Variants in OR51B5 observed in about 807,000 individuals in gnomAD.
OR51B5 encodes olfactory receptor family 51 subfamily B member 5, also known as olfactory receptor 51B5.
For synonymous variants in OR51B5, 186 were observed against 144.8 expected (o/e 1.28, Z -2.04); for missense variants, 456 against 374.6 (o/e 1.22, Z -1.79).
chr11:5,357,260 A>C (rs1479280928), intron 1 of OR51B5, among the ~76,000 whole-genome samples: 1 of 152,150 alleles, frequency 6.6e-6, no homozygotes, highest in African/African-American at 2.4e-5. Context: ...ACATAGGCTC[A>C]AAATAAAGGG....
At chr11:5,435,094 C>CA (rs1184408703) in intron 1 of OR51B5, among the ~76,000 whole-genome samples, 2 of 152,152 alleles carry the variant, frequency 1.3e-5, no homozygotes, top group African/African-American at 4.8e-5. Context: ...GCTATATATT[C>CA]AGTGATAAAC....
upstream of OR51B5, among the ~76,000 whole-genome samples, chr11:5,348,161 T>C (rs1474962454): frequency 3.3e-5 from 5 of 152,142 alleles, no homozygotes; most frequent in African/African-American, 1.2e-4. Flanking sequence ...CTCCCTGACA[T>C]CTCTAAAACT....
chr11:5,470,165 T>C (rs1851205488), intron 1 of OR51B5, among the ~76,000 whole-genome samples: 1 of 152,242 alleles, frequency 6.6e-6, no homozygotes, highest in Non-Finnish European at 1.5e-5. Flanking sequence ...ACCAATTAAA[T>C]TTGACACTGT....
At chr11:5,365,623 G>C (rs1242836019) in intron 1 of OR51B5, among the ~76,000 whole-genome samples, 2 of 152,194 alleles carry the variant, frequency 1.3e-5, no homozygotes, top group Non-Finnish European at 2.9e-5. Flanking sequence ...CTCTTGGTGT[G>C]AATCTGACTA....
chr11:5,454,046 G>A, intron 1 of OR51B5: 1 of 1,614,052 alleles, frequency 6.2e-7, no homozygotes, highest in Non-Finnish European at 8.5e-7. Flanking sequence ...ACATGATGAG[G>A]CTTGCCTGTG....
At chr11:5,382,682 A>C (rs1286995159) in intron 1 of OR51B5, among the ~76,000 whole-genome samples, 2 of 152,188 alleles carry the variant, frequency 1.3e-5, no homozygotes, top group African/African-American at 4.8e-5. Flanking sequence ...CCGAAGCCAG[A>C]ACCTTCCTCA....
intron 1 of OR51B5, among the ~76,000 whole-genome samples, chr11:5,404,048 T>C (rs2467227): frequency 0.16 from 24,357 of 151,374 alleles, 2,423 homozygotes; most frequent in African/African-American, 0.29. Context: ...AGGCCCCAAC[T>C]TGGAAGTCTT....
intron 1 of OR51B5, chr11:5,441,192 G>T (rs569030211): frequency 6.2e-7 from 1 of 1,614,004 alleles, no homozygotes; most frequent in Non-Finnish European, 8.5e-7. Flanking sequence ...GAAGGAGAAA[G>T]TGTGGATGAA....
intron 1 of OR51B5, among the ~76,000 whole-genome samples, chr11:5,385,015 A>G (rs1849664562): frequency 6.6e-6 from 1 of 152,238 alleles, no homozygotes; most frequent in South Asian, 2.1e-4. Flanking sequence ...TCATTAAAAA[A>G]TAACTAATAT....
intron 1 of OR51B5, among the ~76,000 whole-genome samples, chr11:5,401,865 TTTCC>T (rs1849973671): frequency 8.7e-6 from 1 of 115,028 alleles, no homozygotes; most frequent in East Asian, 2.3e-4. Context: ...GCTTTTTCTT[TTTCC>T]TTCCTTCCTT....
At chr11:5,364,154 G>C (rs903345925) in intron 1 of OR51B5, among the ~76,000 whole-genome samples, 26 of 152,064 alleles carry the variant, frequency 1.7e-4, no homozygotes, top group African/African-American at 5.8e-4. Flanking sequence ...AATTTTCAGG[G>C]TTCAACAAGC....
At chr11:5,424,981 CAAAA>C (rs373245242) in intron 1 of OR51B5, among the ~76,000 whole-genome samples, 2 of 84,440 alleles carry the variant, frequency 2.4e-5, no homozygotes, top group Non-Finnish European at 2.3e-5. Flanking sequence ...GACTCCGCCT[CAAAA>C]AAAAAAAAAA....
intron 1 of OR51B5, among the ~76,000 whole-genome samples, chr11:5,366,216 A>ATC (rs1849365525): frequency 1.3e-5 from 2 of 152,122 alleles, no homozygotes; most frequent in African/African-American, 4.8e-5. Context: ...AGGAAGGAAA[A>ATC]TCAGTAGGAA....
At chr11:5,352,409 T>C in intron 1 of OR51B5, 1 of 1,610,218 alleles carries the variant, frequency 6.2e-7, no homozygotes, top group Non-Finnish European at 8.5e-7. Flanking sequence ...CAGAGTGGCA[T>C]ACTTCGTTTA....
At chr11:5,372,052 C>T (rs915103623) in intron 1 of OR51B5, among the ~76,000 whole-genome samples, 1 of 152,072 alleles carries the variant, frequency 6.6e-6, no homozygotes, top group Non-Finnish European at 1.5e-5. Flanking sequence ...TAGGTTTATA[C>T]ATTCCCCCCA....
At chr11:5,445,084 T>A (rs997944992) in intron 1 of OR51B5, among the ~76,000 whole-genome samples, 3 of 152,166 alleles carry the variant, frequency 2.0e-5, no homozygotes, top group African/African-American at 7.2e-5. Flanking sequence ...CCCAGTGCTC[T>A]AGTCACTAAT....
intron 1 of OR51B5, among the ~76,000 whole-genome samples, chr11:5,438,250 A>G (rs1850618903): frequency 1.3e-5 from 2 of 150,250 alleles, no homozygotes; most frequent in East Asian, 4.1e-4. Flanking sequence ...ATGAAGGGGA[A>G]CAAACCTGGA....
At chr11:5,432,920 C>T (rs16930835) in intron 1 of OR51B5, among the ~76,000 whole-genome samples, 5,365 of 152,122 alleles carry the variant, frequency 0.035, 268 homozygotes, top group African/African-American at 0.12. Context: ...ACAACGTGAA[C>T]CTTAGAAGGG....
chr11:5,461,342 G>T (rs1392648275), intron 1 of OR51B5, among the ~76,000 whole-genome samples: 1 of 152,174 alleles, frequency 6.6e-6, no homozygotes, highest in Non-Finnish European at 1.5e-5. Flanking sequence ...TGTTCCGAGG[G>T]CGGGGGTTGC....
Sources: allele counts gnomAD v4.1 joint callset (sites outside exome capture counted in the v4.1 genomes callset), GRCh38; gene constraint gnomAD v4.1.1; transcripts MANE v1.5; gene names NCBI Gene and HGNC (gene_info 2026-07-23, HGNC 2026-07-21).